DDR2: variants seen among roughly 807,000 people sequenced by gnomAD.
The protein encoded by DDR2 is discoidin domain receptor tyrosine kinase 2.
In DDR2, 27 loss-of-function variants were observed where a neutral mutation model predicts 94.9. The observed-to-expected ratio is 0.28, with a 90% confidence interval of 0.21 to 0.39. The LOEUF is 0.39. DDR2 is among the 10% of genes least tolerant of loss of function. DDR2 has a pLI of 1.00. For synonymous variants in DDR2, 382 were observed against 377.2 expected, an observed-to-expected ratio of 1.01 and a Z score of -0.15; for missense variants, 783 against 1,076.0, an observed-to-expected ratio of 0.73 and a Z score of 3.81.
intron 2 of DDR2, among the ~76,000 whole-genome samples, chr1:162,683,402 C>T (rs1014082278): frequency 6.6e-6 from 1 of 151,934 alleles, no homozygotes; most frequent in Non-Finnish European, 1.5e-5. Context: ...GACATGATTG[C>T]CTACAGAAAA....
At chr1:162,679,477 T>G (rs546365505) in intron 2 of DDR2, among the ~76,000 whole-genome samples, 1 of 151,758 alleles carries the variant, frequency 6.6e-6, no homozygotes, top group African/African-American at 2.4e-5. Flanking sequence ...GCAAAGGACA[T>G]GATCTCATTC....
At chr1:162,755,001 GGCA>G in intron 5 of DDR2, 146 bp downstream of exon 5, 4 of 1,413,436 alleles carry the variant, frequency 2.8e-6, no homozygotes, top group Non-Finnish European at 3.9e-6. Flanking sequence ...GGGTGAGGGA[GGCA>G]GGGAAGGAAT....
At chr1:162,775,586 A>G in intron 14 of DDR2, 66 bp from the exon 15 acceptor site, 2 of 1,565,014 alleles carry the variant, frequency 1.3e-6, no homozygotes, top group Non-Finnish European at 8.8e-7. Flanking sequence ...CTTGGTGTGC[A>G]TTCTTCTCTC....
intron 2 of DDR2, among the ~76,000 whole-genome samples, chr1:162,682,256 C>G (rs1238979608): frequency 6.6e-6 from 1 of 152,208 alleles, no homozygotes; most frequent in Non-Finnish European, 1.5e-5. Context: ...TGGCCAGGGA[C>G]TTTCCCCCAG....
intron 1 of DDR2, among the ~76,000 whole-genome samples, chr1:162,633,515 T>TA (rs1165329846): frequency 2.6e-5 from 4 of 152,154 alleles, no homozygotes; most frequent in Admixed American, 6.5e-5. Flanking sequence ...TCCACAGATG[T>TA]AAAAAATGAT....
At chr1:162,650,334 G>T (rs943677495) in intron 1 of DDR2, among the ~76,000 whole-genome samples, 1 of 152,036 alleles carries the variant, frequency 6.6e-6, no homozygotes, top group Non-Finnish European at 1.5e-5. Context: ...GGTGGCTCAC[G>T]CCTGTAATCC....
intron 2 of DDR2, among the ~76,000 whole-genome samples, chr1:162,665,665 C>T (rs1380488662): frequency 6.6e-6 from 1 of 151,604 alleles, no homozygotes; most frequent in African/African-American, 2.4e-5. Flanking sequence ...AAAGTCAACT[C>T]CATGGGGAGG....
At chr1:162,737,854 A>T (rs1214763419) in intron 3 of DDR2, among the ~76,000 whole-genome samples, 1 of 147,176 alleles carries the variant, frequency 6.8e-6, no homozygotes, top group Admixed American at 6.8e-5. Context: ...TGCCATTCTA[A>T]CTGGTGTGAG....
chr1:162,746,564 G>T (rs1329164311), intron 3 of DDR2, among the ~76,000 whole-genome samples: 1 of 152,228 alleles, frequency 6.6e-6, no homozygotes, highest in Non-Finnish European at 1.5e-5. Context: ...TGAACAAAAG[G>T]CAGCAGAAAC....
At chr1:162,650,280 C>G (rs1425121016) in intron 1 of DDR2, among the ~76,000 whole-genome samples, 7 of 54,256 alleles carry the variant, frequency 1.3e-4, no homozygotes, top group African/African-American at 1.9e-4. Flanking sequence ...ACCAATTCCT[C>G]CTCCACGTTA....
At chr1:162,779,972 A>G in intron 17 of DDR2, 140 bp from the exon 18 acceptor site, 1 of 1,242,714 alleles carries the variant, frequency 8.0e-7, no homozygotes, top group Non-Finnish European at 1.2e-6. Flanking sequence ...AATGGACACT[A>G]CACCCATTTC....
intron 2 of DDR2, among the ~76,000 whole-genome samples, chr1:162,685,215 TC>T (rs1399429725): frequency 6.6e-6 from 1 of 152,148 alleles, no homozygotes; most frequent in Non-Finnish European, 1.5e-5. Flanking sequence ...TTTGAAGAAA[TC>T]ATTTATACTA....
intron 2 of DDR2, among the ~76,000 whole-genome samples, chr1:162,680,591 C>CA (rs1201526023): frequency 2.6e-5 from 4 of 152,122 alleles, no homozygotes; most frequent in Non-Finnish European, 5.9e-5. Flanking sequence ...CTGGTTTGTT[C>CA]AGCTCATTTC....
At chr1:162,712,159 A>G (rs1180225689) in intron 2 of DDR2, among the ~76,000 whole-genome samples, 2 of 150,352 alleles carry the variant, frequency 1.3e-5, no homozygotes, top group Admixed American at 6.7e-5. Flanking sequence ...GGCAGTTGGA[A>G]AAGAGAAATA....
At chr1:162,685,352 G>T (rs553164101) in intron 2 of DDR2, among the ~76,000 whole-genome samples, 113 of 152,210 alleles carry the variant, frequency 7.4e-4, no homozygotes, top group Non-Finnish European at 1.5e-3. Context: ...CATATATTTT[G>T]TCATGGTGCT....
chr1:162,734,559 C>T (rs1056786224), intron 3 of DDR2, among the ~76,000 whole-genome samples: 2 of 152,090 alleles, frequency 1.3e-5, no homozygotes, highest in African/African-American at 4.8e-5. Context: ...AATAGAAATT[C>T]CTAACTTAGC....
At chr1:162,718,061 C>T (rs1000049257) in intron 2 of DDR2, among the ~76,000 whole-genome samples, 2 of 152,120 alleles carry the variant, frequency 1.3e-5, no homozygotes, top group Admixed American at 6.6e-5. Context: ...TTTATTCAAT[C>T]ATTAATTTAT....
chr1:162,637,109 A>G (rs973791893), intron 1 of DDR2, among the ~76,000 whole-genome samples: 3 of 152,134 alleles, frequency 2.0e-5, no homozygotes, highest in Middle Eastern at 3.4e-3. Flanking sequence ...TAGTTATTGG[A>G]TGCCTAGTCT....
chr1:162,733,770 A>G (rs1031766317), intron 3 of DDR2, among the ~76,000 whole-genome samples: 1 of 152,224 alleles, frequency 6.6e-6, no homozygotes. Flanking sequence ...CATGATTACT[A>G]TTCTCAAAGT....
Sources: allele counts gnomAD v4.1 joint callset (sites outside exome capture counted in the v4.1 genomes callset), GRCh38; gene constraint gnomAD v4.1.1; transcripts MANE v1.5; gene names NCBI Gene and HGNC (gene_info 2026-07-23, HGNC 2026-07-21).